Variants in POLD1 observed in about 807,000 individuals in gnomAD.
POLD1 encodes the protein DNA polymerase delta 1, catalytic subunit.
A neutral mutation model predicts 129.7 loss-of-function variants in POLD1; 79 were observed. The observed-to-expected ratio is 0.61, with a 90% confidence interval of 0.51 to 0.73. POLD1 has a LOEUF of 0.73. Ranked by LOEUF, POLD1 falls within the 30% of genes least tolerant of loss-of-function variation. The pLI, the probability that POLD1 is intolerant of heterozygous loss-of-function variation, is 0.00. For synonymous variants in POLD1, 714 were observed against 683.3 expected, an observed-to-expected ratio of 1.04 and a Z score of -0.70; for missense variants, 1,338 against 1,595.8, an observed-to-expected ratio of 0.84 and a Z score of 2.75.
At chr19:50,415,934 G>C in intron 22 of POLD1, 108 bp downstream of exon 22, 1 of 864,738 alleles carries the variant, frequency 1.2e-6, no homozygotes, top group East Asian at 2.7e-5. Context: ...GCCCTGTGGG[G>C]CCCTGAGAAC....
At chr19:50,404,265 T>C (rs1224510017) in intron 10 of POLD1, among the ~76,000 whole-genome samples, 5 of 133,440 alleles carry the variant, frequency 3.7e-5, no homozygotes, top group Non-Finnish European at 6.2e-5. Flanking sequence ...ATGTCCTCCC[T>C]TTTTTTTTTT....
chr19:50,388,505 A>G (rs1034343321), intron 1 of POLD1, among the ~76,000 whole-genome samples: 3 of 152,234 alleles, frequency 2.0e-5, no homozygotes, highest in Admixed American at 2.0e-4. Context: ...AAAGACGTCT[A>G]CATACTCCCT....
intron 9 of POLD1, 117 bp from the exon 10 acceptor site, chr19:50,403,376 T>C (rs2038740727): frequency 9.0e-7 from 1 of 1,115,928 alleles, no homozygotes; most frequent in Non-Finnish European, 1.3e-6. Flanking sequence ...GCTTGAGCAC[T>C]TCCCCTCTGG....
At chr19:50,386,926 C>T (rs1253282870) in intron 1 of POLD1, among the ~76,000 whole-genome samples, 1 of 152,186 alleles carries the variant, frequency 6.6e-6, no homozygotes, top group African/African-American at 2.4e-5. Context: ...GGCGCGGTGG[C>T]TAAGGCCTGT....
In POLD1 at chr19:50,413,296, AGG is replaced by A. The variant is rs55738553; in HGVS notation, c.2155-127_2155-126del. 132 of 702,588 alleles carry A rather than the reference AGG, an allele frequency of 1.9e-4. 1 individual carries two copies. In the African/African-American group the frequency reaches 2.0e-3, roughly 10 times the overall value. The allele number at this position is 702,588 out of a possible 1,614,324, so 43.5% of individuals were successfully genotyped here. On this transcript the variant is annotated intron_variant, in intron 17 of 26. Coordinates refer to ENST00000440232, the MANE Select transcript of POLD1 (RefSeq NM_002691.4). Reference sequence around the variant, plus strand: ...GCAGATTTGGGAACTGAGGCCCAGGAGGGGCAGAGTGGCTTGTACATAAGCCT... The same window carrying A: ...GCAGATTTGGGAACTGAGGCCCAGGAGGCAGAGTGGCTTGTACATAAGCCT...
At chr19:50,417,748 G>A (rs540182212) in intron 26 of POLD1, 94 bp from the exon 27 acceptor site, 61 of 730,804 alleles carry the variant, frequency 8.3e-5, no homozygotes, top group African/African-American at 7.0e-4. Context: ...GGCAGCAGGC[G>A]GGGACCAAAG....
In POLD1 at chr19:50,415,009, C is replaced by T. The variant is rs1057522890; in HGVS notation, c.2564+19C>T. 31 of 1,521,474 alleles carry T rather than the reference C, an allele frequency of 2.0e-5. No homozygotes were observed. Among genetic ancestry groups the T allele is most frequent in the Middle Eastern group, 1.8e-4 (1 of 5,564 alleles). 94.2% of individuals were successfully genotyped at this position (1,521,474 alleles called of 1,614,324 possible). On this transcript the variant is annotated intron_variant, in intron 20 of 26. Transcript: ENST00000440232. Reference sequence around the variant, plus strand: ...TCGACCGGTGTGTGGGGCCTCCTCCCTCAGACTCAGGGGGCTGGGCCCCAA... The same window carrying T: ...TCGACCGGTGTGTGGGGCCTCCTCCTTCAGACTCAGGGGGCTGGGCCCCAA...
At chr19:50,396,037 T>G (rs1457975537) in intron 1 of POLD1, among the ~76,000 whole-genome samples, 2 of 142,586 alleles carry the variant, frequency 1.4e-5, no homozygotes, top group Non-Finnish European at 3.0e-5. Flanking sequence ...GTTGTGGTTG[T>G]TTTTTTGTTT....
intron 22 of POLD1, 78 bp from the exon 23 acceptor site, chr19:50,416,318 C>T (rs1226119864): frequency 2.7e-6 from 4 of 1,484,290 alleles, no homozygotes; most frequent in Middle Eastern, 2.4e-4. Flanking sequence ...GCCCTAAGCC[C>T]CAGGCCCCAT....
chr19:50,405,203 AC>A (rs1447744267), intron 10 of POLD1, among the ~76,000 whole-genome samples: 8 of 152,078 alleles, frequency 5.3e-5, no homozygotes, highest in African/African-American at 1.9e-4. Context: ...GAGCCAGTGC[AC>A]CTAGCCCACA....
chr19:50,402,341 G>A lies in POLD1; in HGVS notation c.726G>A (p.Ala242=), dbSNP rs757184235. The A allele has an allele frequency of 1.5e-5, 24 of 1,610,830 alleles. No individual in the cohort carries two copies. The highest frequency in any genetic ancestry group is 6.7e-5 in the East Asian group (3 of 44,814). Reference sequence around the variant, plus strand: ...CAGGCCTGGGCACGCCCAGCTTCGCGCCCTACGAGGCCAACGTCGACTTTG... The same window carrying A: ...CAGGCCTGGGCACGCCCAGCTTCGCACCCTACGAGGCCAACGTCGACTTTG... ...RVAGLGTPSF[A]PYEANVDFEI... Residue 242 remains alanine (A), a synonymous_variant, in exon 6 of 27, where the codon GCG becomes GCA. Transcript: ENST00000440232.
In POLD1 at chr19:50,415,768, G is replaced by T; in HGVS notation, c.2762G>T (p.Arg921Leu). ...GGGAGTGCGCCCAGCCTGGGCGACC[G>T]CGTCCCCTACGTGATCATCAGTGCC... Reference protein sequence around the residue: ...DPGSAPSLGDRVPYVIISAAK... With the variant: ...DPGSAPSLGDLVPYVIISAAK... Residue 921 changes from arginine to leucine, a missense_variant, in exon 22 of 27, where the codon CGC (arginine) becomes CTC (leucine). Coordinates refer to ENST00000440232, the MANE Select transcript of POLD1 (RefSeq NM_002691.4). 6.7e-7 allele frequency: 1 copy of T among 1,498,546 alleles called. No homozygotes were observed. The highest frequency in any genetic ancestry group is 9.0e-7 in the Non-Finnish European group (1 of 1,114,580). 92.8% of individuals were successfully genotyped at this position (1,498,546 alleles called of 1,614,324 possible).
At position 50,409,034 on chromosome 19, in the gene POLD1, G is replaced by A; in HGVS notation, c.1893-88G>A. 7.5e-7 allele frequency: 1 copy of A among 1,325,626 alleles called. No individual in the cohort carries two copies. Among genetic ancestry groups the A allele is most frequent in the South Asian group, 1.2e-5 (1 of 80,490 alleles). 82.1% of individuals were successfully genotyped at this position (1,325,626 alleles called of 1,614,324 possible). On this transcript the variant is annotated intron_variant, in intron 15 of 26. Transcript: ENST00000440232. The surrounding 1 kb of genome is among the most constrained non-coding windows in gnomAD (Gnocchi z 5.8). ...GGAGGGGTGCTTGAGGGGCCTGCGTGTGCTCATGGCCAAGGCCAGGACCGT... is the reference window on the plus strand; with the variant it reads ...GGAGGGGTGCTTGAGGGGCCTGCGTATGCTCATGGCCAAGGCCAGGACCGT...
chr19:50,399,824 C>CT (rs1568616139), intron 3 of POLD1, among the ~76,000 whole-genome samples: 1 of 152,022 alleles, frequency 6.6e-6, no homozygotes, highest in Non-Finnish European at 1.5e-5. Flanking sequence ...AATTTGACTT[C>CT]TTTTTTTTGA....
At position 50,416,467 on chromosome 19, in the gene POLD1, G is replaced by A. The variant is rs956916335; in HGVS notation, c.2892G>A (p.Lys964=). The A allele has an allele frequency of 1.3e-6, 2 of 1,550,750 alleles. No individual in the cohort carries two copies. The highest frequency in any genetic ancestry group is 1.4e-5 in the African/African-American group (1 of 73,086). ...TQYYLEQQLA[K]PLLRIFEPIL... ...ACTACCTGGAGCAGCAGCTGGCCAA[G>A]CCCCTCCTGCGCATCTTCGAGCCCA... The change falls in exon 23 of 27, where the codon AAG becomes AAA. Residue 964 remains lysine (K), a synonymous_variant. Coordinates refer to ENST00000440232, the MANE Select transcript of POLD1 (RefSeq NM_002691.4).
chr19:50,407,131 G>T lies in POLD1; in HGVS notation c.1643G>T (p.Ser548Ile). The T allele has an allele frequency of 1.2e-6, 2 of 1,613,116 alleles. No individual in the cohort carries two copies. The highest frequency in any genetic ancestry group is 1.7e-6 in the Non-Finnish European group (2 of 1,179,676). ...VTGVPLSYLL[S>I]RGQQVKVVSQ... ...GGCGTGCCCCTCAGCTACCTGCTCA[G>T]TCGTGGCCAGCAGGTCAAGGTCGTA... The change falls in exon 13 of 27, where the codon AGT becomes ATT. Residue 548 changes from serine to isoleucine, a missense_variant. By Grantham distance (142) the Ser-to-Ile change is moderately radical (BLOSUM62 -2). Transcript: ENST00000440232.
At position 50,406,206 on chromosome 19, in the gene POLD1, C is replaced by T. The variant is rs1568626065; in HGVS notation, c.1267C>T (p.Arg423Cys). The T allele has an allele frequency of 3.1e-6, 5 of 1,613,894 alleles. No homozygotes were observed. The highest frequency in any genetic ancestry group is 1.1e-5 in the South Asian group (1 of 91,076). ...GGTACAAACATTCCCTTTCCTGGGCCGTGTGGCCGGCCTTTGCTCCAACAT... is the reference window on the plus strand; with the variant it reads ...GGTACAAACATTCCCTTTCCTGGGCTGTGTGGCCGGCCTTTGCTCCAACAT... ...LKVQTFPFLG[R>C]VAGLCSNIRD... The change falls in exon 11 of 27, where the codon CGT becomes TGT. Residue 423 changes from arginine (R) to cysteine (C), a missense_variant. Physicochemically the swap from Arg to Cys is radical, Grantham distance 180. Transcript: ENST00000440232. The surrounding 1 kb of genome is among the most constrained non-coding windows in gnomAD (Gnocchi z 5.5).
In POLD1 at chr19:50,398,957, G is replaced by A. The variant is rs2038477006; in HGVS notation, c.106G>A (p.Glu36Lys). 1 of 1,584,690 alleles carries A rather than the reference G, an allele frequency of 6.3e-7. No homozygotes were observed. Among genetic ancestry groups the A allele is most frequent in the Non-Finnish European group, 8.6e-7 (1 of 1,166,132 alleles). Reference sequence around the variant, plus strand: ...TGCACCTCGGCCATCCCAATTCGAGGAGGACCTGGCACTGATGGAGGAGAT... The same window carrying A: ...TGCACCTCGGCCATCCCAATTCGAGAAGGACCTGGCACTGATGGAGGAGAT... Reference protein sequence around the residue: ...DDAPRPSQFEEDLALMEEMEA... With the variant: ...DDAPRPSQFEKDLALMEEMEA... Residue 36 changes from glutamate (E) to lysine (K), a missense_variant, in exon 2 of 27, where the codon GAG becomes AAG. By Grantham distance (56) the Glu-to-Lys change is moderately conservative (BLOSUM62 1). This residue lies in a region of POLD1 where 332 missense variants were observed against 315.7 expected (regional missense o/e 1.05). Coordinates refer to ENST00000440232, the MANE Select transcript of POLD1 (RefSeq NM_002691.4).
intron 15 of POLD1, 24 bp downstream of exon 15, chr19:50,408,925 G>A (rs2038995904): frequency 1.3e-6 from 2 of 1,592,872 alleles, no homozygotes; most frequent in Admixed American, 3.4e-5. Flanking sequence ...TTCAGCATGT[G>A]TCCCCCGAGG....
Sources: allele counts gnomAD v4.1 joint callset (sites outside exome capture counted in the v4.1 genomes callset), GRCh38; gene constraint gnomAD v4.1.1; regional missense constraint gnomAD v4.1.1; non-coding constraint Gnocchi (gnomAD v3.1); transcripts MANE v1.5; gene names NCBI Gene and HGNC (gene_info 2026-07-23, HGNC 2026-07-21).